EDEM3: variants seen among roughly 807,000 people sequenced by gnomAD.
EDEM3 encodes the protein ER degradation enhancing alpha-mannosidase like protein 3.
A neutral mutation model predicts 110.2 loss-of-function variants in EDEM3; 60 were observed. The ratio of observed to expected loss-of-function variants is 0.54; its 90% CI spans 0.44 to 0.67. The LOEUF is 0.67. EDEM3 is among the 30% of genes least tolerant of loss of function. The pLI is 0.00. For synonymous variants in EDEM3, 352 were observed against 382.9 expected (o/e 0.92, Z 0.94); for missense variants, 996 against 1,121.0 (o/e 0.89, Z 1.59).
At position 184,712,608 on chromosome 1, in the gene EDEM3, A is replaced by G; in HGVS notation, c.1371-10T>C. 1 of 1,495,850 alleles carries G rather than the reference A, an allele frequency of 6.7e-7. No homozygotes were observed. The highest frequency in any genetic ancestry group is 9.1e-7 in the Non-Finnish European group (1 of 1,104,832). The allele number at this position is 1,495,850 out of a possible 1,614,324, so 92.7% of individuals were successfully genotyped here. On this transcript the variant is annotated splice_polypyrimidine_tract_variant and intron_variant, in intron 13 of 19. Coordinates refer to ENST00000318130, the MANE Select transcript of EDEM3 (RefSeq NM_025191.4). ...GAAGAAAGAATCCATTCTAAAATAA[A>G]AAGTCACAAATAAATATAAGTAGAT...
chr1:184,723,605 C>G (rs964638496), intron 8 of EDEM3, 146 bp downstream of exon 8: 1 of 673,914 alleles, frequency 1.5e-6, no homozygotes, highest in Non-Finnish European at 2.4e-6. Context: ...AAAAGAAAAT[C>G]TGGCTAAATT....
At position 184,719,445 on chromosome 1, in the gene EDEM3, G is replaced by C; in HGVS notation, c.1075C>G (p.Gln359Glu). 1 of 1,612,216 alleles carries C rather than the reference G, an allele frequency of 6.2e-7. No homozygotes were observed. The highest frequency in any genetic ancestry group is 1.1e-5 in the South Asian group (1 of 90,564). Reference sequence around the variant, plus strand: ...TAAGAAGACAGAATTCTTTATACCTGCAAGCCTGGGAAGAAGGCAAGCAAA... The same window carrying C: ...TAAGAAGACAGAATTCTTTATACCTCCAAGCCTGGGAAGAAGGCAAGCAAA... The part of the protein sequence containing the change: ...DALLAFFPGL[Q>E]VLKGDIRPAI... Residue 359 changes from glutamine to glutamate, a missense_variant and splice_region_variant, in exon 10 of 20, where the codon CAG becomes GAG. Gln to Glu is a conservative substitution (Grantham distance 29). This residue lies in a region of EDEM3 where 310 missense variants were observed against 394.6 expected (regional missense o/e 0.79). Transcript: ENST00000318130.
At chr1:184,696,694 G>T (rs1248258270) in intron 19 of EDEM3, among the ~76,000 whole-genome samples, 1 of 151,954 alleles carries the variant, frequency 6.6e-6, no homozygotes, top group African/African-American at 2.4e-5. Context: ...CAATGGTGCA[G>T]ACCAAAGAAA....
chr1:184,738,507 G>C (rs914089783), intron 2 of EDEM3, among the ~76,000 whole-genome samples: 86 of 152,172 alleles, frequency 5.7e-4, no homozygotes, highest in African/African-American at 2.1e-3. Flanking sequence ...TGTATCTTTT[G>C]AACATATGCC....
At position 184,752,983 on chromosome 1, in the gene EDEM3, G is replaced by A. The variant is rs530496870; in HGVS notation, c.158+1506C>T. Among the ~76,000 whole-genome samples, 318 of 152,322 alleles carry A rather than the reference G, an allele frequency of 2.1e-3. 1 individual carries two copies. The highest frequency in any genetic ancestry group is 7.2e-3 in the African/African-American group (301 of 41,580). ...TCAATGATACATTAAATTCATATGA[G>A]AGAAAATGTAAGATATTTATTAGAG... On this transcript the variant is annotated intron_variant, in intron 1 of 19. Coordinates refer to ENST00000318130, the MANE Select transcript of EDEM3 (RefSeq NM_025191.4).
At chr1:184,707,637 T>C (rs1650003516) in intron 17 of EDEM3, among the ~76,000 whole-genome samples, 1 of 152,190 alleles carries the variant, frequency 6.6e-6, no homozygotes, top group Admixed American at 6.6e-5. Flanking sequence ...GTTAGATAAC[T>C]TTGTGAATTG....
chr1:184,752,007 C>A (rs1484852506), intron 1 of EDEM3, among the ~76,000 whole-genome samples: 1 of 152,226 alleles, frequency 6.6e-6, no homozygotes, highest in East Asian at 1.9e-4. Context: ...CCCGCCTCAG[C>A]CTCCCAAAGT....
At chr1:184,747,846 T>G (rs1488096452) in intron 2 of EDEM3, among the ~76,000 whole-genome samples, 2 of 152,238 alleles carry the variant, frequency 1.3e-5, no homozygotes, top group East Asian at 3.8e-4. Flanking sequence ...TTTCTGCCAT[T>G]GATATAACTG....
At chr1:184,718,021 A>G (rs1211821607) in intron 11 of EDEM3, among the ~76,000 whole-genome samples, 2 of 152,010 alleles carry the variant, frequency 1.3e-5, no homozygotes, top group African/African-American at 4.8e-5. Flanking sequence ...AATAAAAGTG[A>G]CATATATTTA....
At chr1:184,737,576 T>C in intron 3 of EDEM3, 35 bp downstream of exon 3, 3 of 1,595,866 alleles carry the variant, frequency 1.9e-6, no homozygotes, top group Non-Finnish European at 2.6e-6. Flanking sequence ...TTGGGAACTC[T>C]GAGATGCCAT....
chr1:184,754,587 T>G lies in EDEM3; in HGVS notation c.60A>C (p.Arg20Ser), dbSNP rs193034365. Residue 20 changes from arginine to serine, a missense_variant, in exon 1 of 20, where the codon AGA becomes AGC. Physicochemically the swap from Arg to Ser is moderately radical, Grantham distance 110 (BLOSUM62 -1). Transcript: ENST00000318130. ...AGAACGCGGCCGTCGCCGCCACTAG[T>G]CTCCATCGCGCTCGCTGGGGAACCG... ...GSPVPQRARWRLVAATAAFCL... is the reference protein window; with the variant it reads ...GSPVPQRARWSLVAATAAFCL... The G allele has an allele frequency of 3.0e-3, 4,794 of 1,611,738 alleles. 41 individuals are homozygous for G. Among genetic ancestry groups the G allele is most frequent in the East Asian group, 0.026 (1,168 of 44,768 alleles).
intron 19 of EDEM3, among the ~76,000 whole-genome samples, chr1:184,695,574 T>G (rs1233222024): frequency 1.8e-4 from 27 of 152,040 alleles, no homozygotes. Context: ...ATTGGTATAC[T>G]GTATTGTTTG....
intron 2 of EDEM3, among the ~76,000 whole-genome samples, chr1:184,744,534 C>T (rs1652324772): frequency 6.6e-6 from 1 of 151,602 alleles, no homozygotes; most frequent in Admixed American, 6.6e-5. Flanking sequence ...CTTACACTTG[C>T]CATATGACCT....
Position 184,702,953 on chromosome 1 carries a change from C to T in EDEM3, c.2247G>A (p.Gln749=). The part of the protein sequence containing the change: ...GSSSDTAPLF[Q]MAGDGKDTDD... Reference sequence around the variant, plus strand: ...CTGTATCCTTTCCATCACCTGCCATCTGGAACAGAGGGGCAGTATCACTGC... The same window carrying T: ...CTGTATCCTTTCCATCACCTGCCATTTGGAACAGAGGGGCAGTATCACTGC... The change falls in exon 19 of 20, where the codon CAG becomes CAA. Residue 749 remains glutamine (Q), a synonymous_variant. Transcript: ENST00000318130. The T allele has an allele frequency of 6.2e-6, 10 of 1,612,772 alleles. No individual in the cohort carries two copies. Among genetic ancestry groups the T allele is most frequent in the Non-Finnish European group, 8.5e-6 (10 of 1,179,464 alleles).
intron 18 of EDEM3, 35 bp downstream of exon 18, chr1:184,706,608 C>T: frequency 2.0e-6 from 3 of 1,503,674 alleles, no homozygotes; most frequent in Non-Finnish European, 1.8e-6. Flanking sequence ...ATTATCTCCC[C>T]TTCAGTCAAC....
At position 184,719,604 on chromosome 1, in the gene EDEM3, T is replaced by A. The variant is rs1322359402; in HGVS notation, c.952-36A>T. The A allele has an allele frequency of 4.4e-6, 7 of 1,604,464 alleles. No homozygotes were observed. In the Admixed American group the frequency reaches 5.2e-5, roughly 12 times the overall value. On this transcript the variant is annotated intron_variant, in intron 9 of 19. Coordinates refer to ENST00000318130, the MANE Select transcript of EDEM3 (RefSeq NM_025191.4). The stretch of plus-strand genomic sequence containing the variant: ...ACAACATGTGTTCATGAAAGTTAGA[T>A]GAAAAAAGAGGTACTACTCTAAACA...
At position 184,694,283 on chromosome 1, in the gene EDEM3, G is replaced by C; in HGVS notation, c.2579C>G (p.Pro860Arg). 6.2e-7 allele frequency: 1 copy of C among 1,613,290 alleles called. No homozygotes were observed. The highest frequency in any genetic ancestry group is 8.5e-7 in the Non-Finnish European group (1 of 1,179,598). ...TGTGGGATTAGAAGTCTGTTCAGAA[G>C]GGGAAATGCTTGCAGCATTGTCCAT... ...ADMDNAASIS[P>R]SEQTSNPTEN... The change falls in exon 20 of 20, where the codon CCT (proline) becomes CGT (arginine). Residue 860 changes from proline (P) to arginine (R), a missense_variant. By Grantham distance (103) the Pro-to-Arg change is moderately radical. Transcript: ENST00000318130.
rs34429442 is a variant in EDEM3 at position 184,747,020 on chromosome 1, CAAA to C, written c.204+2524_204+2526del. ...AAAGATATATCACAATGATCAAATG[CAAA>C]AAAAAAAAAACATTATTTTACTTCA... On this transcript the variant is annotated intron_variant, in intron 2 of 19. Transcript: ENST00000318130. 3.2e-3 allele frequency among the ~76,000 whole-genome samples: 421 copies of C among 132,964 alleles called. 5 individuals are homozygous for C. In the East Asian group the frequency reaches 0.038, roughly 12 times the overall value. The allele number at this position is 132,964 out of a possible 152,430, so 87.2% of individuals were successfully genotyped here. A position where few individuals can be genotyped will look rare whatever the true frequency, so the allele number is the denominator to read the frequency against.
chr1:184,740,906 T>C (rs999367810), intron 2 of EDEM3, among the ~76,000 whole-genome samples: 2 of 152,030 alleles, frequency 1.3e-5, no homozygotes. Context: ...AAACTTCCCA[T>C]TAAAGAAATC....
Sources: gnomAD v4.1 joint callset for allele counts (sites outside exome capture counted in the v4.1 genomes callset) on GRCh38, gnomAD v4.1.1 for gene constraint, gnomAD v4.1.1 regional missense constraint, MANE v1.5 for transcripts, NCBI Gene and HGNC (gene_info 2026-07-23, HGNC 2026-07-21) for gene names.